MFAP3: variants seen among roughly 807,000 people sequenced by gnomAD.
MFAP3 encodes the protein microfibril-associated glycoprotein 3.
In MFAP3, 8 loss-of-function variants were observed where a neutral mutation model predicts 20.5. The observed-to-expected ratio is 0.39, with a 90% CI of 0.23 to 0.70. MFAP3 has a LOEUF of 0.70. Ranked by LOEUF, MFAP3 falls within the 30% of genes least tolerant of loss-of-function variation. MFAP3 has a pLI of 0.44. For missense variants in MFAP3, 398 were observed against 444.6 expected (o/e 0.90, Z 0.94); for synonymous variants, 140 against 154.0 (o/e 0.91, Z 0.67).
At chr5:154,052,529 C>T (rs546948366) in intron 2 of MFAP3, among the ~76,000 whole-genome samples, 28 of 152,260 alleles carry the variant, frequency 1.8e-4, no homozygotes, top group African/African-American at 6.3e-4. Flanking sequence ...GACATACCCT[C>T]ATAGTATATG....
In MFAP3 at chr5:154,053,058, G is replaced by A; in HGVS notation, c.434G>A (p.Gly145Glu). The A allele has an allele frequency of 6.2e-7, 1 of 1,613,820 alleles. No homozygotes were observed. The highest frequency in any genetic ancestry group is 8.5e-7 in the Non-Finnish European group (1 of 1,179,876). Residue 145 changes from glycine (G) to glutamate (E), a missense_variant, in exon 3 of 3, where the codon GGA becomes GAA. Gly to Glu is a moderately conservative substitution (Grantham distance 98). Transcript: ENST00000522782. ...SVTLRVIFTS[G>E]DMSVYYMIVC... ...ACCCTACGTGTTATCTTCACCTCGG[G>A]AGACATGAGTGTCTATTACATGATT...
intron 1 of MFAP3, among the ~76,000 whole-genome samples, chr5:154,044,027 A>G (rs115393578): frequency 0.011 from 1,720 of 152,306 alleles, 42 homozygotes; most frequent in African/African-American, 0.039. Flanking sequence ...TGCATTCACA[A>G]TATAATTACA....
At position 154,039,024 on chromosome 5, in the gene MFAP3, T is replaced by C. The variant is rs1772818948; in HGVS notation, c.-167+13T>C. 6.6e-6 allele frequency: 1 copy of C among 152,284 alleles called. No homozygotes were observed. The allele number at this position is 152,284 out of a possible 1,614,324, so 9.4% of individuals were successfully genotyped here. A position where few individuals can be genotyped will look rare whatever the true frequency, so the allele number is the denominator to read the frequency against. ...AGACGGCGGTCGGGTAGGTGACGGC[T>C]TGGTTGGGGTCGCTGCGAGGGGACT... On this transcript the variant is annotated intron_variant, in intron 1 of 2. Coordinates refer to ENST00000522782, the MANE Select transcript of MFAP3 (RefSeq NM_005927.5).
chr5:154,053,949 A>C lies in MFAP3; in HGVS notation c.*236A>C, dbSNP rs112974578. ...TTAAATTATGCATGCTAAGATTTAA[A>C]GGAGCCCCAGATAAACATGATGGGG... On this transcript the variant is annotated 3_prime_UTR_variant, in exon 3 of 3. Coordinates refer to ENST00000522782, the MANE Select transcript of MFAP3 (RefSeq NM_005927.5). 2,771 of 452,502 alleles carry C rather than the reference A, an allele frequency of 6.1e-3. 16 individuals are homozygous for C. The highest frequency in any genetic ancestry group is 8.0e-3 in the Non-Finnish European group (1,970 of 245,688). 28.0% of individuals were successfully genotyped at this position (452,502 alleles called of 1,614,324 possible). A position where few individuals can be genotyped will look rare whatever the true frequency, so the allele number is the denominator to read the frequency against.
chr5:154,056,383 C>T lies in MFAP3; in HGVS notation c.*2670C>T, dbSNP rs533020814. On this transcript the variant is annotated 3_prime_UTR_variant, in exon 3 of 3. Coordinates refer to ENST00000522782, the MANE Select transcript of MFAP3 (RefSeq NM_005927.5). Reference sequence around the variant, plus strand: ...CTAGTTTTCAAGAGGAAGAAAACCACACTTACTAATGTTTTCTGTATCTAA... The same window carrying T: ...CTAGTTTTCAAGAGGAAGAAAACCATACTTACTAATGTTTTCTGTATCTAA... 3.3e-5 allele frequency among the ~76,000 whole-genome samples: 5 copies of T among 152,294 alleles called. No individual in the cohort carries two copies. The highest frequency in any genetic ancestry group is 1.2e-4 in the African/African-American group (5 of 41,572).
At chr5:154,048,446 C>G (rs1009620207) in intron 1 of MFAP3, among the ~76,000 whole-genome samples, 1 of 152,074 alleles carries the variant, frequency 6.6e-6, no homozygotes, top group Non-Finnish European at 1.5e-5. Flanking sequence ...TACAGTGATT[C>G]ATTGTTTTTT....
chr5:154,057,206 A>G lies in MFAP3; in HGVS notation c.*3493A>G, dbSNP rs1029632245. Reference sequence around the variant, plus strand: ...GTATAAATATTTCCTGAGTACCAGTAAGAGAATGCATTCTTTTCTCATCTA... The same window carrying G: ...GTATAAATATTTCCTGAGTACCAGTGAGAGAATGCATTCTTTTCTCATCTA... On this transcript the variant is annotated 3_prime_UTR_variant, in exon 3 of 3. Coordinates refer to ENST00000522782, the MANE Select transcript of MFAP3 (RefSeq NM_005927.5). Among the ~76,000 whole-genome samples, 1 of 152,246 alleles carries G rather than the reference A, an allele frequency of 6.6e-6. No homozygotes were observed. Among genetic ancestry groups the G allele is most frequent in the Non-Finnish European group, 1.5e-5 (1 of 68,048 alleles).
rs771067980 is a variant in MFAP3 at position 154,049,801 on chromosome 5, T to C, written c.79T>C (p.Phe27Leu). The C allele has an allele frequency of 1.2e-6, 2 of 1,613,696 alleles. No homozygotes were observed. The highest frequency in any genetic ancestry group is 1.7e-6 in the Non-Finnish European group (2 of 1,179,702). The part of the protein sequence containing the change: ...PAAFVLEDVD[F>L]DQMVSLEANR... ...TGCTTTTGTTTTGGAAGATGTGGAC[T>C]TCGACCAAATGGTTTCACTGGAAGC... Residue 27 changes from phenylalanine to leucine, a missense_variant, in exon 2 of 3, where the codon TTC becomes CTC. Coordinates refer to ENST00000522782, the MANE Select transcript of MFAP3 (RefSeq NM_005927.5).
rs78889216 is a variant in MFAP3 at position 154,044,707 on chromosome 5, A to G, written c.-166-4850A>G. 5.0e-3 allele frequency among the ~76,000 whole-genome samples: 765 copies of G among 152,268 alleles called. 7 individuals carry two copies. Among genetic ancestry groups the G allele is most frequent in the African/African-American group, 0.017 (726 of 41,558 alleles). ...ATGTCTGTACAACACAAGAACCACA[A>G]ATCTTGGCCACATGGGCAGTTTGCT... On this transcript the variant is annotated intron_variant, in intron 1 of 2. Coordinates refer to ENST00000522782, the MANE Select transcript of MFAP3 (RefSeq NM_005927.5).
In MFAP3 at chr5:154,042,040, T is replaced by TC. The variant is rs1187264977; in HGVS notation, c.-167+3031dup. Among the ~76,000 whole-genome samples, 5 of 152,328 alleles carry TC rather than the reference T, an allele frequency of 3.3e-5. No individual in the cohort carries two copies. The East Asian group carries it at 9.6e-4, about 29-fold the overall frequency. ...GGCACCTTAACTCTAGAGCCCATTCTCCTAACCACTGAGCCATGATTGTCT... is the reference window on the plus strand; with the variant it reads ...GGCACCTTAACTCTAGAGCCCATTCTCCCTAACCACTGAGCCATGATTGTCT... On this transcript the variant is annotated intron_variant, in intron 1 of 2. Transcript: ENST00000522782.
At position 154,049,840 on chromosome 5, in the gene MFAP3, T is replaced by TA; in HGVS notation, c.119dup (p.Tyr40Ter). The stretch of plus-strand genomic sequence containing the variant: ...TTCACTGGAAGCAAATCGTAGTTCT[T>TA]ACAATGCATCCTTTCCCTCAAGCTT... ...MVSLEANRSS[Y>*]NASFPSSFEL... The change falls in exon 2 of 3, where the codon TAC (tyrosine) becomes TAAC (stop). Residue 40 changes from tyrosine (Y) to a stop codon, truncating the protein, a stop_gained and frameshift_variant. Transcript: ENST00000522782. LOFTEE classifies it high-confidence loss of function. 1 of 1,613,716 alleles carries TA rather than the reference T, an allele frequency of 6.2e-7. No homozygotes were observed. Among genetic ancestry groups the TA allele is most frequent in the Non-Finnish European group, 8.5e-7 (1 of 1,179,720 alleles).
intron 1 of MFAP3, among the ~76,000 whole-genome samples, chr5:154,048,029 A>G (rs1416598259): frequency 6.6e-6 from 1 of 152,214 alleles, no homozygotes. Context: ...TCATTCAATA[A>G]ATGTTATTTC....
intron 2 of MFAP3, 77 bp downstream of exon 2, chr5:154,050,094 A>T: frequency 6.8e-7 from 1 of 1,468,986 alleles, no homozygotes; most frequent in Non-Finnish European, 9.1e-7. Context: ...CGTTAAACAA[A>T]AAGTCTCAAA....
rs1561591535 is a variant in MFAP3, at chr5:154,053,055, C to T, written c.431C>T (p.Ser144Leu). Residue 144 changes from serine (S) to leucine (L), a missense_variant, in exon 3 of 3, where the codon TCG (serine) becomes TTG (leucine). Coordinates refer to ENST00000522782, the MANE Select transcript of MFAP3 (RefSeq NM_005927.5). ...YSVTLRVIFT[S>L]GDMSVYYMIV... ...GTCACCCTACGTGTTATCTTCACCT[C>T]GGGAGACATGAGTGTCTATTACATG... The T allele has an allele frequency of 3.1e-6, 5 of 1,613,768 alleles. No individual in the cohort carries two copies. Among genetic ancestry groups the T allele is most frequent in the Non-Finnish European group, 2.5e-6 (3 of 1,179,842 alleles).
chr5:154,050,610 C>CTTTTTTTTTTTT (rs11167656), intron 2 of MFAP3, among the ~76,000 whole-genome samples: 2 of 93,288 alleles, frequency 2.1e-5, no homozygotes, highest in African/African-American at 4.0e-5. Context: ...CCTTCCAGCT[C>CTTTTTTTTTTTT]TTTTTTTTTT....
At position 154,053,819 on chromosome 5, in the gene MFAP3, C is replaced by T. The variant is rs1034321342; in HGVS notation, c.*106C>T. The stretch of plus-strand genomic sequence containing the variant: ...TTGCCAAAAGATGACTGGGGTTTTC[C>T]GTTTGTTAATATTAAGCACATCAGA... On this transcript the variant is annotated 3_prime_UTR_variant, in exon 3 of 3. Coordinates refer to ENST00000522782, the MANE Select transcript of MFAP3 (RefSeq NM_005927.5). 13 of 1,049,878 alleles carry T rather than the reference C, an allele frequency of 1.2e-5. No individual in the cohort carries two copies. The highest frequency in any genetic ancestry group is 3.2e-5 in the South Asian group (2 of 61,710). The allele number at this position is 1,049,878 out of a possible 1,614,324, so 65.0% of individuals were successfully genotyped here.
chr5:154,049,689 T>A lies in MFAP3; in HGVS notation c.-34T>A. The A allele has an allele frequency of 6.3e-7, 1 of 1,590,898 alleles. No homozygotes were observed. The highest frequency in any genetic ancestry group is 8.6e-7 in the Non-Finnish European group (1 of 1,166,796). The stretch of plus-strand genomic sequence containing the variant: ...TTGTAGTGTAGAAGTTTTTGAGTTC[T>A]CCAAATCTAAACAAGATTTTGTCCC... On this transcript the variant is annotated 5_prime_UTR_variant, in exon 2 of 3. Transcript: ENST00000522782.
Position 154,054,798 on chromosome 5 carries a change from T to C in MFAP3, c.*1085T>C, listed in dbSNP as rs966216018. 6 of 167,094 alleles carry C rather than the reference T, an allele frequency of 3.6e-5. No individual in the cohort carries two copies. Among genetic ancestry groups the C allele is most frequent in the African/African-American group, 1.4e-4 (6 of 41,456 alleles). 10.4% of individuals were successfully genotyped at this position (167,094 alleles called of 1,614,324 possible). A position where few individuals can be genotyped will look rare whatever the true frequency, so the allele number is the denominator to read the frequency against. On this transcript the variant is annotated 3_prime_UTR_variant, in exon 3 of 3. Coordinates refer to ENST00000522782, the MANE Select transcript of MFAP3 (RefSeq NM_005927.5). ...TGCATGCGTCTTTATCTTGTTTGTT[T>C]GGTTAATATTTTGTTGTTGAGGTTT...
intron 1 of MFAP3, among the ~76,000 whole-genome samples, chr5:154,047,149 A>T (rs1298583689): frequency 1.3e-5 from 2 of 151,892 alleles, no homozygotes; most frequent in Non-Finnish European, 2.9e-5. Context: ...TTTATTCTTC[A>T]GGTCCTGCAC....
Sources: allele counts gnomAD v4.1 joint callset (sites outside exome capture counted in the v4.1 genomes callset), GRCh38; gene constraint gnomAD v4.1.1; transcripts MANE v1.5; gene names NCBI Gene and HGNC (gene_info 2026-07-23, HGNC 2026-07-21).